Variants in NYAP2 observed in about 807,000 individuals in gnomAD.
The protein encoded by NYAP2 is neuronal tyrosine-phosphorylated phosphoinositide-3-kinase adaptor 2.
Under a neutral mutation model 50.4 loss-of-function variants are expected in NYAP2, and 23 were observed. The observed-to-expected ratio is 0.46, with a 90% CI of 0.33 to 0.65. NYAP2 has a LOEUF of 0.65. NYAP2 is among the 30% of genes least tolerant of loss of function. NYAP2 has a pLI of 0.02. For missense variants in NYAP2, 885 were observed against 861.0 expected, an observed-to-expected ratio of 1.03 and a Z score of -0.35; for synonymous variants, 394 against 365.2, an observed-to-expected ratio of 1.08 and a Z score of -0.90.
chr2:225,443,300 C>T lies in NYAP2; in HGVS notation c.221+34199C>T, dbSNP rs116086189. 7.1e-3 allele frequency among the ~76,000 whole-genome samples: 1,083 copies of T among 152,108 alleles called. 11 individuals are homozygous for T. Among genetic ancestry groups the T allele is most frequent in the African/African-American group, 0.024 (1,013 of 41,486 alleles). ...TGAGGTAATTACCAATCTGACAGACCCACAGTAAGGCATTAATGAGATAGC... is the reference window on the plus strand; with the variant it reads ...TGAGGTAATTACCAATCTGACAGACTCACAGTAAGGCATTAATGAGATAGC... On this transcript the variant is annotated intron_variant, in intron 3 of 6. Coordinates refer to ENST00000636099, the Ensembl canonical transcript of NYAP2.
At chr2:225,527,003 G>A (rs552981201) in intron 4 of NYAP2, among the ~76,000 whole-genome samples, 1 of 152,038 alleles carries the variant, frequency 6.6e-6, no homozygotes, top group Non-Finnish European at 1.5e-5. Context: ...TTTTCTAAAC[G>A]TACCCTGAGG....
chr2:225,536,270 G>T (rs1542368), intron 4 of NYAP2, among the ~76,000 whole-genome samples: 4 of 151,960 alleles, frequency 2.6e-5, no homozygotes, highest in Non-Finnish European at 5.9e-5. Context: ...CTACCACATG[G>T]TAGGCAGCAC....
At chr2:225,460,606 G>A (rs1689813496) in intron 3 of NYAP2, among the ~76,000 whole-genome samples, 1 of 152,134 alleles carries the variant, frequency 6.6e-6, no homozygotes, top group African/African-American at 2.4e-5. Flanking sequence ...AGAATTATCT[G>A]GATATGCTTA....
In NYAP2 at chr2:225,538,495, C is replaced by A. The variant is rs544087965; in HGVS notation, c.523+24823C>A. Among the ~76,000 whole-genome samples the A allele has an allele frequency of 1.5e-4, 23 of 152,300 alleles. No homozygotes were observed. The South Asian group carries it at 4.3e-3, about 29-fold the overall frequency. On this transcript the variant is annotated intron_variant, in intron 4 of 6. Transcript: ENST00000636099. ...GCCATGGACTGAGCTCTATGTTGGC[C>A]CTTTTTCAGCCAGGCTTGAGTGGCT...
chr2:225,670,445 T>C, the NYAP2 span, among the ~76,000 whole-genome samples: 2 of 152,010 alleles, frequency 1.3e-5, no homozygotes, highest in African/African-American at 4.8e-5. Flanking sequence ...GATTACTAAA[T>C]GAGTCTTTAG....
rs1692619016 is a variant in NYAP2 at position 225,597,345 on chromosome 2, C to T, written c.1618+14310C>T. Among the ~76,000 whole-genome samples the T allele has an allele frequency of 3.3e-5, 5 of 150,702 alleles. No individual in the cohort carries two copies. The Admixed American group carries it at 3.3e-4, about 10-fold the overall frequency. ...CAAAGTCCATTGTATCATTCTTATG[C>T]CTTTGCATCCTCATAGCTTAGCTCC... On this transcript the variant is annotated intron_variant, in intron 5 of 6. Coordinates refer to ENST00000636099, the Ensembl canonical transcript of NYAP2.
chr2:225,482,074 A>T (rs1170083311), intron 3 of NYAP2, among the ~76,000 whole-genome samples: 1 of 152,180 alleles, frequency 6.6e-6, no homozygotes, highest in Non-Finnish European at 1.5e-5. Flanking sequence ...ATACAAAAAT[A>T]TCTTATTTTT....
chr2:225,542,625 T>C (rs1270643901), intron 4 of NYAP2, among the ~76,000 whole-genome samples: 1 of 152,140 alleles, frequency 6.6e-6, no homozygotes, highest in African/African-American at 2.4e-5. Context: ...AAATCCCACT[T>C]GGGCATGATG....
At chr2:225,610,888 T>C (rs1273768681) in intron 5 of NYAP2, among the ~76,000 whole-genome samples, 1 of 152,208 alleles carries the variant, frequency 6.6e-6, no homozygotes, top group Non-Finnish European at 1.5e-5. Context: ...GCTTTCTGTT[T>C]AACTGTTTAA....
intron 4 of NYAP2, among the ~76,000 whole-genome samples, chr2:225,517,402 C>G (rs1690955515): frequency 6.6e-6 from 1 of 152,080 alleles, no homozygotes; most frequent in South Asian, 2.1e-4. Flanking sequence ...TTGGTCATCC[C>G]CATTCCTCAG....
chr2:225,559,916 G>A (rs1691843431), intron 4 of NYAP2, among the ~76,000 whole-genome samples: 1 of 151,990 alleles, frequency 6.6e-6, no homozygotes, highest in South Asian at 2.1e-4. Flanking sequence ...ATTTCATCCT[G>A]TTGGAGAAGA....
intron 5 of NYAP2, among the ~76,000 whole-genome samples, chr2:225,611,920 ACACACACACACACACAC>A (rs1171795609): frequency 6.8e-6 from 1 of 148,108 alleles, no homozygotes; most frequent in Non-Finnish European, 1.5e-5. Flanking sequence ...ACACACACAC[ACACACACACACACACAC>A]ACTTTTCCTC....
intron 3 of NYAP2, among the ~76,000 whole-genome samples, chr2:225,425,745 G>T (rs1695277651): frequency 6.6e-6 from 1 of 152,122 alleles, no homozygotes; most frequent in South Asian, 2.1e-4. Flanking sequence ...ATTACTTTAG[G>T]ATTTTATACA....
chr2:225,688,176 T>C, the NYAP2 span, among the ~76,000 whole-genome samples: 1 of 152,182 alleles, frequency 6.6e-6, no homozygotes, highest in Non-Finnish European at 1.5e-5. Context: ...TCTCAGTCAT[T>C]GAACACCCAG....
chr2:225,567,390 C>T (rs1691980816), intron 4 of NYAP2, among the ~76,000 whole-genome samples: 1 of 152,062 alleles, frequency 6.6e-6, no homozygotes, highest in Non-Finnish European at 1.5e-5. Flanking sequence ...AATCATTATA[C>T]ACTTATAGTT....
intron 5 of NYAP2, among the ~76,000 whole-genome samples, chr2:225,592,259 C>T (rs779771343): frequency 6.6e-6 from 1 of 152,164 alleles, no homozygotes; most frequent in African/African-American, 2.4e-5. Flanking sequence ...GTGCTTGCAT[C>T]TTGGCCATAA....
At position 225,412,399 on chromosome 2, in the gene NYAP2, A is replaced by G. The variant is rs201066284; in HGVS notation, c.221+3298A>G. On this transcript the variant is annotated intron_variant, in intron 3 of 6. Coordinates refer to ENST00000636099, the Ensembl canonical transcript of NYAP2. ...TTAGAGAAAGGGAAAAATTACTGTT[A>G]GAGTGTCCTTGAGTGGGTAGGAAAG... is the stretch of plus-strand genomic sequence containing the variant. Among the ~76,000 whole-genome samples the G allele has an allele frequency of 1.5e-4, 22 of 151,700 alleles. No homozygotes were observed. In the East Asian group the frequency reaches 1.7e-3, roughly 12 times the overall value.
chr2:225,404,535 T>C (rs1484125932), intron 2 of NYAP2, among the ~76,000 whole-genome samples: 1 of 151,954 alleles, frequency 6.6e-6, no homozygotes, highest in Non-Finnish European at 1.5e-5. Context: ...GTTAACTCAA[T>C]AAACAGTTAA....
At chr2:225,654,001 A>T (rs1397043789) in exon 7 of NYAP2, 1 of 151,012 alleles carries the variant, frequency 6.6e-6, no homozygotes, top group Non-Finnish European at 1.5e-5. Flanking sequence ...CCTGGGTGAC[A>T]GAGCGAGACT....
Sources: allele counts gnomAD v4.1 joint callset (sites outside exome capture counted in the v4.1 genomes callset), GRCh38; gene constraint gnomAD v4.1.1; transcripts MANE v1.5; gene names NCBI Gene and HGNC (gene_info 2026-07-23, HGNC 2026-07-21).